AKAP19: variants seen among roughly 807,000 people sequenced by gnomAD.
The protein encoded by AKAP19 is A-kinase anchoring protein 19, also known as small A-kinase anchoring protein.
chr2:190,187,733 A>G, the AKAP19 span, among the ~76,000 whole-genome samples: 1 of 152,186 alleles, frequency 6.6e-6, no homozygotes, highest in Non-Finnish European at 1.5e-5. Context: ...ACGTGCCTAT[A>G]GTCGCAGGTA....
the AKAP19 span, among the ~76,000 whole-genome samples, chr2:190,196,935 A>G: frequency 6.6e-6 from 1 of 152,156 alleles, no homozygotes; most frequent in Non-Finnish European, 1.5e-5. Flanking sequence ...AATCAGTCAC[A>G]CAGATTTATT....
the AKAP19 span, chr2:189,923,902 G>C: frequency 1.9e-6 from 3 of 1,611,254 alleles, no homozygotes; most frequent in Non-Finnish European, 2.5e-6. Flanking sequence ...AGCTGACCCA[G>C]ATAAAACAAA....
the AKAP19 span, among the ~76,000 whole-genome samples, chr2:190,069,165 TGTGTGTGTGTGAGAGAGA>T: frequency 3.5e-5 from 5 of 143,282 alleles, no homozygotes; most frequent in African/African-American, 1.4e-4. Flanking sequence ...TGTGTGTGTG[TGTGTGTGTGTGAGAGAGA>T]GAGAGAGAGA....
At chr2:190,021,491 G>A in the AKAP19 span, among the ~76,000 whole-genome samples, 4 of 152,160 alleles carry the variant, frequency 2.6e-5, no homozygotes, top group Non-Finnish European at 5.9e-5. Context: ...GTCATGGAGG[G>A]TCACTGTTCT....
At chr2:189,920,773 C>T in the AKAP19 span, among the ~76,000 whole-genome samples, 2 of 152,144 alleles carry the variant, frequency 1.3e-5, no homozygotes, top group African/African-American at 4.8e-5. Flanking sequence ...AGAATAATGA[C>T]CTGGCCAAGT....
chr2:189,956,587 AT>A, the AKAP19 span, among the ~76,000 whole-genome samples: 1 of 147,910 alleles, frequency 6.8e-6, no homozygotes, highest in African/African-American at 2.5e-5. Context: ...GAACATATTA[AT>A]TTTTTTTTGA....
chr2:189,925,313 T>G, the AKAP19 span, among the ~76,000 whole-genome samples: 6 of 152,302 alleles, frequency 3.9e-5, no homozygotes, highest in African/African-American at 1.2e-4. Flanking sequence ...CATAGCAACT[T>G]TATAAAATAT....
At chr2:190,082,854 C>T in the AKAP19 span, among the ~76,000 whole-genome samples, 1 of 152,132 alleles carries the variant, frequency 6.6e-6, no homozygotes, top group East Asian at 1.9e-4. Flanking sequence ...TTAATGCTAC[C>T]ATTTATTGTG....
chr2:189,953,783 GATT>G, the AKAP19 span, among the ~76,000 whole-genome samples: 2 of 152,112 alleles, frequency 1.3e-5, no homozygotes, highest in Non-Finnish European at 2.9e-5. Context: ...TAAGTTAAGT[GATT>G]TTCCCAAGTT....
the AKAP19 span, among the ~76,000 whole-genome samples, chr2:190,171,583 G>A: frequency 2.0e-5 from 3 of 152,044 alleles, no homozygotes; most frequent in Non-Finnish European, 4.4e-5. Flanking sequence ...GAGCACTGAC[G>A]TGATTCCATT....
the AKAP19 span, among the ~76,000 whole-genome samples, chr2:189,987,920 G>GGAGACCAGAT: frequency 1.3e-3 from 196 of 152,164 alleles, 1 homozygote; most frequent in East Asian, 4.6e-3. Context: ...TGGCTGTGCG[G>GGAGACCAGAT]GAGACCAGAT....
At chr2:190,133,080 CA>C in the AKAP19 span, among the ~76,000 whole-genome samples, 4 of 150,726 alleles carry the variant, frequency 2.7e-5, no homozygotes, top group South Asian at 4.2e-4. Flanking sequence ...ACTAAAAATA[CA>C]AAAAAAATTA....
At chr2:189,896,310 G>A in the AKAP19 span, among the ~76,000 whole-genome samples, 1 of 151,968 alleles carries the variant, frequency 6.6e-6, no homozygotes, top group Non-Finnish European at 1.5e-5. Context: ...TGCTATACAT[G>A]GACAAAAAGA....
At chr2:190,077,825 T>G in the AKAP19 span, among the ~76,000 whole-genome samples, 4 of 152,208 alleles carry the variant, frequency 2.6e-5, no homozygotes, top group Non-Finnish European at 5.9e-5. Context: ...TTAAGCTTGC[T>G]GGGGTTGGTC....
chr2:189,894,098 A>C, the AKAP19 span, among the ~76,000 whole-genome samples: 7 of 152,188 alleles, frequency 4.6e-5, no homozygotes. Flanking sequence ...GTGTTTACCA[A>C]ATATATATCC....
chr2:189,991,026 T>C, the AKAP19 span, among the ~76,000 whole-genome samples: 1 of 152,236 alleles, frequency 6.6e-6, no homozygotes, highest in African/African-American at 2.4e-5. Flanking sequence ...ACCATTATTT[T>C]GCTCATTTTT....
chr2:189,946,202 T>C, the AKAP19 span, among the ~76,000 whole-genome samples: 71 of 152,312 alleles, frequency 4.7e-4, no homozygotes, highest in Middle Eastern at 6.8e-3. Flanking sequence ...ATTAGAACCC[T>C]AAAGGATTAG....
the AKAP19 span, among the ~76,000 whole-genome samples, chr2:190,158,641 T>G: frequency 6.6e-6 from 1 of 152,224 alleles, no homozygotes; most frequent in Non-Finnish European, 1.5e-5. Context: ...ATTTTTTTCT[T>G]TTTTGATTCT....
chr2:190,158,305 C>T, the AKAP19 span, among the ~76,000 whole-genome samples: 56 of 152,122 alleles, frequency 3.7e-4, no homozygotes, highest in Non-Finnish European at 5.0e-4. Context: ...GTTTTGTCTG[C>T]GGCTTGTCCT....
Sources: allele counts gnomAD v4.1 joint callset (sites outside exome capture counted in the v4.1 genomes callset), GRCh38; gene constraint gnomAD v4.1.1; transcripts MANE v1.5; gene names NCBI Gene and HGNC (gene_info 2026-07-23, HGNC 2026-07-21).